ATXN7: variants seen among roughly 807,000 people sequenced by gnomAD.
The protein encoded by ATXN7 is ataxin-7.
ATXN7 carries 12 observed loss-of-function variants against 70.5 expected under a neutral mutation model. The observed-to-expected ratio is 0.17, with a 90% CI of 0.11 to 0.28. The LOEUF (loss-of-function observed/expected upper bound fraction) is 0.28. ATXN7 is among the 10% of genes least tolerant of loss of function. The pLI, the probability that ATXN7 is intolerant of heterozygous loss-of-function variation, is 1.00. For synonymous variants in ATXN7, 498 were observed against 448.7 expected (o/e 1.11, Z -1.39); for missense variants, 1,256 against 1,131.7 (o/e 1.11, Z -1.58).
chr3:63,934,075 A>C (rs2074613020), intron 4 of ATXN7, among the ~76,000 whole-genome samples: 1 of 152,164 alleles, frequency 6.6e-6, no homozygotes, highest in East Asian at 1.9e-4. Flanking sequence ...TAGAATCATC[A>C]ATTGGCCTAA....
At chr3:63,955,216 G>C (rs990147345) in intron 5 of ATXN7, among the ~76,000 whole-genome samples, 8 of 152,172 alleles carry the variant, frequency 5.3e-5, no homozygotes, top group Admixed American at 4.6e-4. Context: ...AAGCCACTAG[G>C]TAGGAGGGCT....
intron 5 of ATXN7, among the ~76,000 whole-genome samples, chr3:63,974,513 G>C (rs2075361665): frequency 6.6e-6 from 1 of 152,230 alleles, no homozygotes; most frequent in Non-Finnish European, 1.5e-5. Context: ...CAGCCTGCCT[G>C]GGATTGCACC....
intron 1 of ATXN7, among the ~76,000 whole-genome samples, chr3:63,879,455 T>C (rs1702841626): frequency 6.6e-6 from 1 of 152,066 alleles, no homozygotes; most frequent in Admixed American, 6.6e-5. Flanking sequence ...AAAAGGAAAG[T>C]GCAACTTAAG....
chr3:63,961,972 C>G (rs2075139953), intron 5 of ATXN7, among the ~76,000 whole-genome samples: 1 of 152,166 alleles, frequency 6.6e-6, no homozygotes, highest in Admixed American at 6.5e-5. Context: ...CCTGCGATTT[C>G]AACCCCACTA....
At chr3:63,930,691 G>T (rs377663248) in intron 4 of ATXN7, among the ~76,000 whole-genome samples, 1 of 152,176 alleles carries the variant, frequency 6.6e-6, no homozygotes, top group South Asian at 2.1e-4. Flanking sequence ...ACCACGCCCG[G>T]CTAATTTTTT....
intron 1 of ATXN7, among the ~76,000 whole-genome samples, chr3:63,867,975 A>G (rs567658295): frequency 5.1e-4 from 78 of 152,352 alleles, no homozygotes; most frequent in Admixed American, 9.1e-4. Context: ...ACAACAAAGC[A>G]TTGCCTATCA....
intron 5 of ATXN7, among the ~76,000 whole-genome samples, chr3:63,954,720 T>TTG (rs1559644935): frequency 1.0e-4 from 15 of 149,250 alleles, no homozygotes; most frequent in African/African-American, 3.7e-4. Context: ...TGTTTTTTTT[T>TTG]TTTTTTGAGA....
intron 5 of ATXN7, among the ~76,000 whole-genome samples, chr3:63,972,355 T>C (rs13095883): frequency 1.8e-4 from 27 of 152,172 alleles, no homozygotes; most frequent in Non-Finnish European, 3.8e-4. Flanking sequence ...GGGATGTTTG[T>C]GGAATGGAGC....
intron 2 of ATXN7, among the ~76,000 whole-genome samples, chr3:63,907,572 C>G (rs986923169): frequency 1.3e-5 from 2 of 151,372 alleles, no homozygotes; most frequent in African/African-American, 4.9e-5. Flanking sequence ...CAGTCCTCCC[C>G]CTCAGCCTCC....
chr3:63,973,923 T>A (rs2075353712), intron 5 of ATXN7, among the ~76,000 whole-genome samples: 1 of 151,940 alleles, frequency 6.6e-6, no homozygotes, highest in Admixed American at 6.6e-5. Context: ...AAAAACCAAT[T>A]TGGAAAGGGT....
rs147209431 is a variant in ATXN7, at chr3:63,969,842, C to G, written c.500-10073C>G. Among the ~76,000 whole-genome samples the G allele has an allele frequency of 8.3e-3, 1,265 of 152,294 alleles. 9 individuals carry two copies. The highest frequency in any genetic ancestry group is 0.034 in the Middle Eastern group (10 of 294). On this transcript the variant is annotated intron_variant, in intron 5 of 12. Coordinates refer to ENST00000674280, the MANE Select transcript of ATXN7 (RefSeq NM_001377405.1). ...ACATAGAGGATTGAATCAAAAGTAG[C>G]TAGAGACTGGTGGATTTTCGTTTTG...
chr3:63,961,121 T>G (rs2075122160), intron 5 of ATXN7, among the ~76,000 whole-genome samples: 1 of 152,212 alleles, frequency 6.6e-6, no homozygotes, highest in Non-Finnish European at 1.5e-5. Flanking sequence ...GGGGTACAGT[T>G]TGACATGTAC....
rs760770524 is a variant in ATXN7 at position 63,982,959 on chromosome 3, A to G, written c.1033A>G (p.Ile345Val). 1.2e-5 allele frequency: 19 copies of G among 1,613,968 alleles called. No homozygotes were observed. In the Admixed American group the frequency reaches 2.3e-4, roughly 20 times the overall value. Residue 345 changes from isoleucine to valine, a missense_variant, in exon 8 of 13, where the codon ATC (isoleucine) becomes GTC (valine). Coordinates refer to ENST00000674280, the MANE Select transcript of ATXN7 (RefSeq NM_001377405.1). ...GACAGAAAGAGAGTTTGATCCTGAC[A>G]TCCACTGTGGGGTTATTGATCTCGA... ...RLSEREFDPD[I>V]HCGVIDLDTK...
At position 63,912,687 on chromosome 3, in the gene ATXN7, A is replaced by AGCG; in HGVS notation, c.91_92insGGC (p.Gln30_Gln31insArg). The AGCG allele has an allele frequency of 1.1e-6, 1 of 932,166 alleles. No homozygotes were observed. The allele number at this position is 932,166 out of a possible 1,614,324, so 57.7% of individuals were successfully genotyped here. On this transcript the variant is annotated inframe_insertion, in exon 3 of 13. Transcript: ENST00000674280. ...GGAGCAGCGGCCGCGGCCGCCCGGC[A>AGCG]GCAGCAGCAGCAGCAGCAGCAGCAG...
At position 64,000,572 on chromosome 3, in the gene ATXN7, G is replaced by A. The variant is rs1214905362; in HGVS notation, c.*1105G>A. 6.6e-6 allele frequency: 1 copy of A among 152,280 alleles called. No individual in the cohort carries two copies. Among genetic ancestry groups the A allele is most frequent in the Non-Finnish European group, 1.5e-5 (1 of 68,034 alleles). The allele number at this position is 152,280 out of a possible 1,614,324, so 9.4% of individuals were successfully genotyped here. On this transcript the variant is annotated 3_prime_UTR_variant, in exon 13 of 13. Transcript: ENST00000674280. Reference sequence around the variant, plus strand: ...CTGCTTCAAGCACTTCTGGCATTGTGTGTTTTTGTATGCACTCCCCTTCAT... The same window carrying A: ...CTGCTTCAAGCACTTCTGGCATTGTATGTTTTTGTATGCACTCCCCTTCAT...
rs781627328 is a variant in ATXN7 at position 63,995,662 on chromosome 3, A to G, written c.1840A>G (p.Asn614Asp). ...VLLSSTCISP[N>D]SKSVPAHGTT... ...GCTCTCATCTACCTGCATCTCCCCA[A>G]ATAGCAAATCGGTACCAGCTCATGG... The change falls in exon 12 of 13, where the codon AAT (asparagine) becomes GAT (aspartate). Residue 614 changes from asparagine (N) to aspartate (D), a missense_variant. Coordinates refer to ENST00000674280, the MANE Select transcript of ATXN7 (RefSeq NM_001377405.1). The G allele has an allele frequency of 1.9e-6, 3 of 1,614,118 alleles. No homozygotes were observed. The highest frequency in any genetic ancestry group is 1.7e-6 in the Non-Finnish European group (2 of 1,180,024).
intron 1 of ATXN7, among the ~76,000 whole-genome samples, chr3:63,889,135 G>A (rs890176876): frequency 1.3e-5 from 2 of 152,102 alleles, no homozygotes; most frequent in Non-Finnish European, 2.9e-5. Flanking sequence ...ATATGCCGAC[G>A]TAATAGCTGA....
Position 63,969,470 on chromosome 3 carries a change from A to G in ATXN7, c.500-10445A>G, listed in dbSNP as rs4688427. ...TTGGGATTCCTACACAGAAATTTCTATTTTAAAAGACAAAACAGAAACAAC... is the reference window on the plus strand; with the variant it reads ...TTGGGATTCCTACACAGAAATTTCTGTTTTAAAAGACAAAACAGAAACAAC... On this transcript the variant is annotated intron_variant, in intron 5 of 12. Coordinates refer to ENST00000674280, the MANE Select transcript of ATXN7 (RefSeq NM_001377405.1). Among the ~76,000 whole-genome samples the G allele has an allele frequency of 3.3e-4, 50 of 152,318 alleles. No homozygotes were observed. In the South Asian group the frequency reaches 7.7e-3, roughly 23 times the overall value.
chr3:63,974,038 G>A (rs1000671973), intron 5 of ATXN7, among the ~76,000 whole-genome samples: 3 of 152,124 alleles, frequency 2.0e-5, no homozygotes, highest in Non-Finnish European at 4.4e-5. Context: ...CTGTAGCTTG[G>A]TTTTCAGGCT....
Sources: gnomAD v4.1 joint callset for allele counts (sites outside exome capture counted in the v4.1 genomes callset) on GRCh38, gnomAD v4.1.1 for gene constraint, MANE v1.5 for transcripts, NCBI Gene and HGNC (gene_info 2026-07-23, HGNC 2026-07-21) for gene names.